DACH2: variants seen among roughly 807,000 people sequenced by gnomAD.
DACH2 encodes the protein dachshund family transcription factor 2, also known as dachshund homolog 2.
DACH2 carries 17 observed loss-of-function variants against 35.8 expected under a neutral mutation model. The observed-to-expected ratio is 0.48, with a 90% CI of 0.33 to 0.71. The LOEUF is 0.71. Among genes scored for constraint, DACH2 ranks in the 30% least tolerant of loss-of-function variants. DACH2 has a pLI of 0.02. For synonymous variants in DACH2, 195 were observed against 177.3 expected, an observed-to-expected ratio of 1.10 and a Z score of -0.79; for missense variants, 469 against 472.7, an observed-to-expected ratio of 0.99 and a Z score of 0.07.
chrX:86,700,274 A>C (rs1470135723), intron 5 of DACH2, among the ~76,000 whole-genome samples: 2 of 111,044 alleles, frequency 1.8e-5, no homozygotes, highest in Non-Finnish European at 1.9e-5. Context: ...TATTAGGCCC[A>C]TTTGGTCAAG....
intron 1 of DACH2, among the ~76,000 whole-genome samples, chrX:86,320,026 G>A (rs1045720501): frequency 2.7e-5 from 3 of 111,656 alleles, no homozygotes; most frequent in African/African-American, 6.5e-5. Flanking sequence ...ATTTTGAGAG[G>A]TATTAATTCA....
chrX:86,291,716 C>A (rs1248009020), intron 1 of DACH2, among the ~76,000 whole-genome samples: 1 of 96,914 alleles, frequency 1.0e-5, no homozygotes, highest in Non-Finnish European at 2.0e-5. Context: ...TGTTTATATG[C>A]TGGATTACAT....
chrX:86,247,433 G>T (rs2033308485), intron 1 of DACH2, among the ~76,000 whole-genome samples: 1 of 110,953 alleles, frequency 9.0e-6, no homozygotes, highest in African/African-American at 3.3e-5. Context: ...AAATGACAAA[G>T]GAGATATTAC....
At chrX:86,402,098 G>C (rs1255687066) in intron 2 of DACH2, among the ~76,000 whole-genome samples, 1 of 111,963 alleles carries the variant, frequency 8.9e-6, no homozygotes, top group Non-Finnish European at 1.9e-5. Context: ...AGGAAAAGCT[G>C]TAAGTGTTCC....
chrX:86,607,345 G>T (rs941468809), intron 3 of DACH2, among the ~76,000 whole-genome samples: 8 of 110,521 alleles, frequency 7.2e-5, no homozygotes, highest in African/African-American at 2.6e-4. Context: ...TTATTTTTGT[G>T]TGTTTGTTGT....
chrX:86,532,065 T>C (rs1232378340), intron 3 of DACH2, among the ~76,000 whole-genome samples: 1 of 113,080 alleles, frequency 8.8e-6, no homozygotes, highest in African/African-American at 3.2e-5. Context: ...TTCAGGCAAT[T>C]TCTCCAATTT....
At chrX:86,516,499 G>A (rs2038469304) in intron 3 of DACH2, among the ~76,000 whole-genome samples, 1 of 111,292 alleles carries the variant, frequency 9.0e-6, no homozygotes, top group Admixed American at 9.5e-5. Flanking sequence ...TAGCCTTATG[G>A]ACAATGACTT....
chrX:86,427,708 A>C (rs957590927), intron 2 of DACH2, among the ~76,000 whole-genome samples: 3 of 111,844 alleles, frequency 2.7e-5, no homozygotes, highest in Non-Finnish European at 5.7e-5. Context: ...TATAAATGAA[A>C]AGCCTTAAAT....
rs1490536514 is a variant in DACH2, at chrX:86,796,812, T to C, written c.1241-16044T>C. On this transcript the variant is annotated intron_variant, in intron 7 of 11. Transcript: ENST00000373125. Reference sequence around the variant, plus strand: ...GAAGTATCATTGGCTCTGAGTACAATAGTCACACCTTATTTGCAGGGGATA... The same window carrying C: ...GAAGTATCATTGGCTCTGAGTACAACAGTCACACCTTATTTGCAGGGGATA... Among the ~76,000 whole-genome samples the C allele has an allele frequency of 9.8e-5, 11 of 111,694 alleles. No individual in the cohort carries two copies. In the Admixed American group the frequency reaches 1.1e-3, roughly 11 times the overall value.
intron 2 of DACH2, among the ~76,000 whole-genome samples, chrX:86,492,011 T>C (rs1377786678): frequency 8.9e-6 from 1 of 111,930 alleles, no homozygotes; most frequent in East Asian, 2.8e-4. Context: ...AAACACTTAA[T>C]ATGAGACTTA....
chrX:86,605,754 T>C (rs1344513132), intron 3 of DACH2, among the ~76,000 whole-genome samples: 1 of 110,870 alleles, frequency 9.0e-6, no homozygotes, highest in Non-Finnish European at 1.9e-5. Context: ...GCTTTTTTTT[T>C]CCTTTTTTCA....
chrX:86,382,124 A>ATTCT (rs1236357373), intron 2 of DACH2, among the ~76,000 whole-genome samples: 1 of 110,023 alleles, frequency 9.1e-6, no homozygotes, highest in African/African-American at 3.3e-5. Context: ...ACGACTCTAT[A>ATTCT]TTCTTTCTTT....
intron 3 of DACH2, among the ~76,000 whole-genome samples, chrX:86,608,581 T>A (rs1390382246): frequency 2.7e-5 from 3 of 112,122 alleles, no homozygotes; most frequent in African/African-American, 9.7e-5. Context: ...TAATATCTAT[T>A]TTCTTTCTGA....
chrX:86,278,387 A>C (rs2033958783), intron 1 of DACH2, among the ~76,000 whole-genome samples: 1 of 111,744 alleles, frequency 8.9e-6, no homozygotes, highest in Non-Finnish European at 1.9e-5. Context: ...AAGCATCTTG[A>C]CCACTTTTTG....
intron 3 of DACH2, among the ~76,000 whole-genome samples, chrX:86,546,321 T>TTCTTCTTCTTCC: frequency 1.3e-5 from 1 of 77,823 alleles, no homozygotes; most frequent in Non-Finnish European, 2.4e-5. Flanking sequence ...TCCTACCTCT[T>TTCTTCTTCTTCC]TCTTCTTCTT....
At chrX:86,426,508 A>G (rs2036896188) in intron 2 of DACH2, among the ~76,000 whole-genome samples, 1 of 112,024 alleles carries the variant, frequency 8.9e-6, no homozygotes, top group South Asian at 3.6e-4. Flanking sequence ...GTAACTTTCT[A>G]ATGTAATATA....
chrX:86,608,054 T>C (rs1229881581), intron 3 of DACH2, among the ~76,000 whole-genome samples: 1 of 108,592 alleles, frequency 9.2e-6, no homozygotes, highest in Admixed American at 9.9e-5. Flanking sequence ...ACAATAAACA[T>C]ACGTGTGCAT....
intron 1 of DACH2, among the ~76,000 whole-genome samples, chrX:86,221,150 T>C (rs1289123550): frequency 9.0e-6 from 1 of 111,528 alleles, no homozygotes; most frequent in Non-Finnish European, 1.9e-5. Context: ...AATTCCATGA[T>C]GCTTTTCCTT....
intron 4 of DACH2, among the ~76,000 whole-genome samples, chrX:86,681,177 A>T (rs991990842): frequency 1.8e-5 from 2 of 111,836 alleles, no homozygotes; most frequent in Non-Finnish European, 3.8e-5. Context: ...CTTGAAAAGG[A>T]TGTGTTCTCT....
Sources: allele counts gnomAD v4.1 joint callset (sites outside exome capture counted in the v4.1 genomes callset), GRCh38; gene constraint gnomAD v4.1.1; transcripts MANE v1.5; gene names NCBI Gene and HGNC (gene_info 2026-07-23, HGNC 2026-07-21).